Variants in CACHD1 observed in about 807,000 individuals in gnomAD.
CACHD1 encodes the protein VWFA and cache domain-containing protein 1.
Under a neutral mutation model 138.7 loss-of-function variants are expected in CACHD1, and 71 were observed. That is an observed-to-expected ratio of 0.51 (90% CI 0.42 to 0.62). The LOEUF is 0.62. Ranked by LOEUF, CACHD1 falls within the 20% of genes least tolerant of loss-of-function variation. The pLI, the probability that CACHD1 is intolerant of heterozygous loss-of-function variation, is 0.00. For missense variants in CACHD1, 1,389 were observed against 1,625.3 expected (o/e 0.85, Z 2.50); for synonymous variants, 578 against 591.5 (o/e 0.98, Z 0.33).
intron 2 of CACHD1, among the ~76,000 whole-genome samples, chr1:64,562,680 C>T (rs566191936): frequency 6.6e-6 from 1 of 151,722 alleles, no homozygotes; most frequent in Admixed American, 6.6e-5. Flanking sequence ...CTTGGCCTCC[C>T]AAAGTGCTGG....
intron 4 of CACHD1, among the ~76,000 whole-genome samples, chr1:64,627,371 C>G (rs1363451116): frequency 6.6e-6 from 1 of 152,166 alleles, no homozygotes; most frequent in Non-Finnish European, 1.5e-5. Context: ...TACACCACTG[C>G]ATTCCCACCT....
intron 3 of CACHD1, among the ~76,000 whole-genome samples, chr1:64,599,343 G>A (rs1035601280): frequency 2.9e-4 from 44 of 152,154 alleles, no homozygotes; most frequent in African/African-American, 1.1e-3. Flanking sequence ...GAAGACATAG[G>A]CATATAGTTA....
At chr1:64,660,687 C>A (rs1377331036) in intron 13 of CACHD1, among the ~76,000 whole-genome samples, 1 of 151,994 alleles carries the variant, frequency 6.6e-6, no homozygotes. Flanking sequence ...CGCACCACCA[C>A]GCCCGGCTAA....
intron 1 of CACHD1, among the ~76,000 whole-genome samples, chr1:64,534,042 G>T: frequency 7.0e-6 from 1 of 142,786 alleles, no homozygotes. Flanking sequence ...CGTGAGCCCA[G>T]CATTTTTTTT....
intron 1 of CACHD1, among the ~76,000 whole-genome samples, chr1:64,521,615 T>C (rs1173720157): frequency 6.6e-6 from 1 of 152,240 alleles, no homozygotes; most frequent in African/African-American, 2.4e-5. Flanking sequence ...CTTCAGCTAA[T>C]GGACATTGGA....
chr1:64,535,989 C>T (rs769525457), intron 1 of CACHD1, among the ~76,000 whole-genome samples: 10 of 152,266 alleles, frequency 6.6e-5, no homozygotes, highest in South Asian at 2.1e-4. Flanking sequence ...GTATTCCTCA[C>T]GTAGGTAATA....
intron 1 of CACHD1, among the ~76,000 whole-genome samples, chr1:64,492,933 C>T (rs1228299434): frequency 6.6e-6 from 1 of 152,208 alleles, no homozygotes; most frequent in Non-Finnish European, 1.5e-5. Context: ...GAGACTACAT[C>T]TGCTTTCCCT....
chr1:64,597,510 GT>G lies in CACHD1; in HGVS notation c.411-5286del, dbSNP rs111369526. On this transcript the variant is annotated intron_variant, in intron 3 of 26. Transcript: ENST00000651257. ...TTCATGAAAGTAAATCCAGAAGGAA[GT>G]TTTTTTTTTGTTGTTTTTTTTTTTT... Among the ~76,000 whole-genome samples the G allele has an allele frequency of 1.5e-4, 17 of 111,564 alleles. No individual in the cohort carries two copies. In the South Asian group the frequency reaches 3.2e-3, roughly 21 times the overall value. The allele number at this position is 111,564 out of a possible 152,430, so 73.2% of individuals were successfully genotyped here.
At chr1:64,681,200 A>C in intron 24 of CACHD1, 58 bp from the exon 25 acceptor site, 1 of 1,314,176 alleles carries the variant, frequency 7.6e-7, no homozygotes, top group Non-Finnish European at 1.1e-6. Context: ...CAGGGTATTA[A>C]AGCGGGTGAT....
intron 2 of CACHD1, among the ~76,000 whole-genome samples, chr1:64,566,190 T>A (rs1646879083): frequency 6.6e-6 from 1 of 152,220 alleles, no homozygotes; most frequent in Non-Finnish European, 1.5e-5. Flanking sequence ...TCATTGTGTA[T>A]CTTTCCCTAA....
At chr1:64,615,941 A>AT (rs1385168307) in intron 4 of CACHD1, among the ~76,000 whole-genome samples, 1 of 152,212 alleles carries the variant, frequency 6.6e-6, no homozygotes, top group African/African-American at 2.4e-5. Flanking sequence ...AAGGGCAGTT[A>AT]TAAGCTTCAT....
chr1:64,470,773 C>G lies in CACHD1; in HGVS notation c.29C>G (p.Thr10Arg). The G allele has an allele frequency of 1.1e-6, 1 of 883,056 alleles. No individual in the cohort carries two copies. The highest frequency in any genetic ancestry group is 1.7e-6 in the Non-Finnish European group (1 of 583,246). 54.7% of individuals were successfully genotyped at this position (883,056 alleles called of 1,614,324 possible). A position where few individuals can be genotyped will look rare whatever the true frequency, so the allele number is the denominator to read the frequency against. ...GCCCGCCAGCCGGAGGAAGAGGAGA[C>G]GGCCGTGGCCCGGGCGCGGCGGCCG... MARQPEEEE[T>R]AVARARRPPL... Residue 10 changes from threonine (T) to arginine (R), a missense_variant, in exon 1 of 27, where the codon ACG becomes AGG. By Grantham distance (71) the Thr-to-Arg change is moderately conservative. Around this residue, in one of 5 missense-constraint regions of CACHD1, gnomAD observed 1,000 missense variants for 1,114.7 expected, o/e 0.90. Transcript: ENST00000651257. This position sits in a 1 kb window ranked among gnomAD's most constrained non-coding sequence, Gnocchi z 5.2.
At chr1:64,639,183 AC>A (rs1301124622) in intron 7 of CACHD1, among the ~76,000 whole-genome samples, 1 of 152,204 alleles carries the variant, frequency 6.6e-6, no homozygotes, top group East Asian at 1.9e-4. Context: ...TCACACATAT[AC>A]TTTTGCCATG....
chr1:64,534,430 T>G (rs1377472083), intron 1 of CACHD1, among the ~76,000 whole-genome samples: 1 of 152,200 alleles, frequency 6.6e-6, no homozygotes, highest in African/African-American at 2.4e-5. Context: ...GATTTGGGGC[T>G]CTTGATAAAT....
chr1:64,658,249 T>C (rs148895300), intron 12 of CACHD1, among the ~76,000 whole-genome samples: 2 of 152,370 alleles, frequency 1.3e-5, no homozygotes, highest in East Asian at 3.9e-4. Context: ...CTCAGTCCTT[T>C]CTTTTAAAGT....
rs778075743 is a variant in CACHD1 at position 64,652,184 on chromosome 1, C to A, written c.1414C>A (p.Pro472Thr). The A allele has an allele frequency of 3.7e-6, 6 of 1,611,416 alleles. No individual in the cohort carries two copies. The highest frequency in any genetic ancestry group is 5.1e-6 in the Non-Finnish European group (6 of 1,179,134). ...GDGLIMTVSKPCYFGNLLLGI... is the reference protein window; with the variant it reads ...GDGLIMTVSKTCYFGNLLLGI... Reference sequence around the variant, plus strand: ...AGGTTTGATAATGACTGTGAGTAAACCCTGTTATTTTGGAAACCTACTTCT... The same window carrying A: ...AGGTTTGATAATGACTGTGAGTAAAACCTGTTATTTTGGAAACCTACTTCT... Residue 472 changes from proline (P) to threonine (T), a missense_variant, in exon 10 of 27, where the codon CCC becomes ACC. Pro to Thr is a conservative substitution (Grantham distance 38). This residue lies in a region of CACHD1 where 1,000 missense variants were observed against 1,114.7 expected (regional missense o/e 0.90). Coordinates refer to ENST00000651257, the MANE Select transcript of CACHD1 (RefSeq NM_020925.4).
intron 1 of CACHD1, among the ~76,000 whole-genome samples, chr1:64,486,286 A>G (rs1646241374): frequency 6.6e-6 from 1 of 152,076 alleles, no homozygotes; most frequent in African/African-American, 2.4e-5. Context: ...ATCTGGTTTT[A>G]TAACATTTCC....
Position 64,691,412 on chromosome 1 carries a change from G to C in CACHD1, c.3676G>C (p.Asp1226His). 2 of 1,614,108 alleles carry C rather than the reference G, an allele frequency of 1.2e-6. No individual in the cohort carries two copies. The highest frequency in any genetic ancestry group is 8.5e-7 in the Non-Finnish European group (1 of 1,180,022). ...LSAGVDVGNH[D>H]EDLDLDTPPQ... is the part of the protein sequence containing the mutation. ...AGCCGGGGTCGATGTGGGAAACCAT[G>C]ATGAGGACTTAGACCTGGATACCCC... is the stretch of plus-strand genomic sequence containing the variant. The change falls in exon 27 of 27, where the codon GAT becomes CAT. Residue 1226 changes from aspartate (D) to histidine (H), a missense_variant. Transcript: ENST00000651257.
intron 1 of CACHD1, among the ~76,000 whole-genome samples, chr1:64,508,047 G>A (rs1362540035): frequency 2.6e-5 from 4 of 152,190 alleles, no homozygotes; most frequent in Non-Finnish European, 5.9e-5. Flanking sequence ...ACTTAAAACC[G>A]TGGTGGAAGG....
Sources: allele counts gnomAD v4.1 joint callset (sites outside exome capture counted in the v4.1 genomes callset), GRCh38; gene constraint gnomAD v4.1.1; regional missense constraint gnomAD v4.1.1; non-coding constraint Gnocchi (gnomAD v3.1); transcripts MANE v1.5; gene names NCBI Gene and HGNC (gene_info 2026-07-23, HGNC 2026-07-21).